SPOCK1: variants seen among roughly 807,000 people sequenced by gnomAD.
The protein encoded by SPOCK1 is SPARC (osteonectin), cwcv and kazal like domains proteoglycan 1, also known as testican-1.
Under a neutral mutation model 55.3 loss-of-function variants are expected in SPOCK1, and 23 were observed. The observed-to-expected ratio is 0.42, with a 90% CI of 0.30 to 0.59. SPOCK1 has a LOEUF of 0.59. SPOCK1 is among the 20% of genes least tolerant of loss of function. The pLI is 0.22. For missense variants in SPOCK1, 499 were observed against 552.5 expected (o/e 0.90, Z 0.97); for synonymous variants, 226 against 221.0 (o/e 1.02, Z -0.20).
At chr5:137,161,832 A>T (rs961465288) in intron 3 of SPOCK1, among the ~76,000 whole-genome samples, 3 of 152,208 alleles carry the variant, frequency 2.0e-5, no homozygotes, top group Non-Finnish European at 4.4e-5. Context: ...TTTTTCATCA[A>T]GTATTCAATG....
chr5:137,377,516 T>C (rs966903107), intron 2 of SPOCK1, among the ~76,000 whole-genome samples: 2 of 152,226 alleles, frequency 1.3e-5, no homozygotes, highest in South Asian at 4.1e-4. Flanking sequence ...GATTTAACTT[T>C]AGAAAAATAT....
At chr5:137,187,262 C>G (rs1755087726) in intron 3 of SPOCK1, among the ~76,000 whole-genome samples, 1 of 152,192 alleles carries the variant, frequency 6.6e-6, no homozygotes, top group African/African-American at 2.4e-5. Flanking sequence ...CTGTCAGCAG[C>G]CTGCTTCTCC....
chr5:137,313,687 CA>C, intron 2 of SPOCK1: 2 of 169,722 alleles, frequency 1.2e-5, no homozygotes, highest in South Asian at 3.9e-4. Flanking sequence ...ACTGCTTGGC[CA>C]GGAGGCCACC....
At chr5:137,349,460 G>C (rs10491304) in intron 2 of SPOCK1, among the ~76,000 whole-genome samples, 9,917 of 152,280 alleles carry the variant, frequency 0.065, 678 homozygotes, top group African/African-American at 0.17. Flanking sequence ...CAGGACTAGA[G>C]GCGGAAGATC....
intron 3 of SPOCK1, among the ~76,000 whole-genome samples, chr5:137,197,493 C>T (rs73793406): frequency 0.056 from 8,464 of 152,184 alleles, 796 homozygotes; most frequent in African/African-American, 0.19. Context: ...ATCTACCTGC[C>T]AAGGCTGCAT....
intron 3 of SPOCK1, among the ~76,000 whole-genome samples, chr5:137,184,608 C>T (rs1004082360): frequency 6.6e-6 from 1 of 152,174 alleles, no homozygotes; most frequent in Non-Finnish European, 1.5e-5. Context: ...TCACAAGGGG[C>T]ATCTGGACCT....
intron 2 of SPOCK1, among the ~76,000 whole-genome samples, chr5:137,365,769 A>G (rs1010550749): frequency 6.6e-6 from 1 of 152,166 alleles, no homozygotes; most frequent in Non-Finnish European, 1.5e-5. Context: ...CAGAGCTCAG[A>G]AGGTTTTCTA....
chr5:137,281,990 C>T (rs1284211724), intron 2 of SPOCK1, among the ~76,000 whole-genome samples: 2 of 152,122 alleles, frequency 1.3e-5, no homozygotes, highest in Non-Finnish European at 2.9e-5. Context: ...ATTGCCATTG[C>T]CTAAGTGACT....
At chr5:137,235,838 G>A (rs767791493) in intron 3 of SPOCK1, among the ~76,000 whole-genome samples, 9 of 152,204 alleles carry the variant, frequency 5.9e-5, no homozygotes, top group Admixed American at 2.0e-4. Context: ...TAGGTGGTTC[G>A]GCTTCTGATC....
intron 2 of SPOCK1, among the ~76,000 whole-genome samples, chr5:137,301,614 T>TAAGC (rs1347062730): frequency 3.4e-5 from 5 of 147,590 alleles, no homozygotes. Flanking sequence ...CCAGCAAACA[T>TAAGC]ACTCATTAAG....
At chr5:137,389,768 C>A (rs1424978984) in intron 2 of SPOCK1, among the ~76,000 whole-genome samples, 1 of 152,172 alleles carries the variant, frequency 6.6e-6, no homozygotes, top group Non-Finnish European at 1.5e-5. Context: ...CACAACATCT[C>A]GAGTTCCATG....
At chr5:137,245,787 C>CA (rs33935068) in intron 3 of SPOCK1, among the ~76,000 whole-genome samples, 8,902 of 111,450 alleles carry the variant, frequency 0.08, 407 homozygotes, top group East Asian at 0.28. Flanking sequence ...AAAAAAAAAA[C>CA]AAAAAAAAAA....
At chr5:137,051,715 A>C (rs554938339) in intron 6 of SPOCK1, among the ~76,000 whole-genome samples, 66 of 152,344 alleles carry the variant, frequency 4.3e-4, no homozygotes, top group African/African-American at 1.5e-3. Context: ...GAGAAAAAAA[A>C]TCAGCATCCT....
At chr5:137,030,353 C>T (rs1212078875) in intron 6 of SPOCK1, among the ~76,000 whole-genome samples, 1 of 152,236 alleles carries the variant, frequency 6.6e-6, no homozygotes, top group Admixed American at 6.5e-5. Flanking sequence ...CATAACACAG[C>T]TTAATGAACC....
At chr5:137,213,768 G>A (rs1755661949) in intron 3 of SPOCK1, among the ~76,000 whole-genome samples, 1 of 152,168 alleles carries the variant, frequency 6.6e-6, no homozygotes, top group Non-Finnish European at 1.5e-5. Flanking sequence ...ACACACACCT[G>A]GGAGAATGGT....
At chr5:136,998,637 T>G (rs1304930364) in intron 6 of SPOCK1, among the ~76,000 whole-genome samples, 2 of 152,232 alleles carry the variant, frequency 1.3e-5, no homozygotes, top group Non-Finnish European at 2.9e-5. Flanking sequence ...TAGGAAACTC[T>G]GCCAATGATG....
chr5:137,379,656 C>T (rs1338688036), intron 2 of SPOCK1, among the ~76,000 whole-genome samples: 1 of 152,068 alleles, frequency 6.6e-6, no homozygotes, highest in Non-Finnish European at 1.5e-5. Context: ...TCAAACTTTA[C>T]TATTGTCTTT....
At chr5:137,447,172 G>A (rs1234555033) in intron 2 of SPOCK1, among the ~76,000 whole-genome samples, 1 of 152,166 alleles carries the variant, frequency 6.6e-6, no homozygotes, top group Non-Finnish European at 1.5e-5. Context: ...AGAAATGTCT[G>A]TTTTGAACAA....
intron 5 of SPOCK1, among the ~76,000 whole-genome samples, chr5:137,079,533 T>A (rs1246656004): frequency 2.1e-4 from 8 of 38,656 alleles, no homozygotes; most frequent in African/African-American, 3.9e-4. Flanking sequence ...CCCATCTGAT[T>A]CCCCCCCCCC....
Sources: gnomAD v4.1 joint callset for allele counts (sites outside exome capture counted in the v4.1 genomes callset) on GRCh38, gnomAD v4.1.1 for gene constraint, MANE v1.5 for transcripts, NCBI Gene and HGNC (gene_info 2026-07-23, HGNC 2026-07-21) for gene names.